Variants in DMD observed in about 807,000 individuals in gnomAD.
DMD encodes dystrophin.
DMD carries 63 observed loss-of-function variants against 330.1 expected under a neutral mutation model. The ratio of observed to expected loss-of-function variants is 0.19; its 90% CI spans 0.16 to 0.24. The LOEUF is 0.24. DMD is among the 10% of genes least tolerant of loss of function. The probability of loss-of-function intolerance (pLI) is 1.00; values close to 1 mark genes in which losing one functional copy is unlikely to be tolerated. For synonymous variants in DMD, 1,223 were observed against 959.8 expected (o/e 1.27, Z -5.07); for missense variants, 3,344 against 2,684.1 (o/e 1.25, Z -5.43).
intron 30 of DMD, 149 bp from the exon 31 acceptor site, chrX:32,390,330 A>G: frequency 2.1e-6 from 1 of 484,640 alleles, no homozygotes. Flanking sequence ...GGTGGTTCAC[A>G]CCTGTAATCC....
At chrX:31,822,653 G>GTGTGTGTGTGTGTGTGTGTGT (rs1556919106) in intron 49 of DMD, among the ~76,000 whole-genome samples, 9 of 65,811 alleles carry the variant, frequency 1.4e-4, no homozygotes, top group African/African-American at 5.1e-4. Context: ...AAGGCAGAGG[G>GTGTGTGTGTGTGTGTGTGTGT]GTGTGTGTGT....
chrX:31,507,495 A>G, intron 55 of DMD, 42 bp from the exon 56 acceptor site: 1 of 1,114,807 alleles, frequency 9.0e-7, no homozygotes, highest in Non-Finnish European at 1.2e-6. Context: ...GAATTACCAA[A>G]CAAAAGAAAC....
intron 45 of DMD, among the ~76,000 whole-genome samples, chrX:31,941,474 T>C (rs1346837939): frequency 1.8e-5 from 2 of 111,603 alleles, no homozygotes; most frequent in Non-Finnish European, 3.8e-5. Flanking sequence ...ATAAGTCCAC[T>C]TGAGAAATCT....
intron 7 of DMD, among the ~76,000 whole-genome samples, chrX:32,733,915 G>C (rs1473544253): frequency 1.9e-5 from 2 of 104,872 alleles, no homozygotes; most frequent in African/African-American, 7.0e-5. Flanking sequence ...ACTAAAATCA[G>C]AGCAGAACTG....
intron 60 of DMD, among the ~76,000 whole-genome samples, chrX:31,402,802 C>A (rs10126367): frequency 0.17 from 18,572 of 111,065 alleles, 1,152 homozygotes; most frequent in Middle Eastern, 0.24. Flanking sequence ...TCTTAACTGG[C>A]TCAGAGAAAG....
chrX:31,924,865 A>G (rs1036372380), intron 47 of DMD, among the ~76,000 whole-genome samples: 1 of 112,038 alleles, frequency 8.9e-6, no homozygotes, highest in African/African-American at 3.2e-5. Flanking sequence ...CTTATTTGTA[A>G]ATGGTATTTT....
chrX:32,416,735 C>G (rs1228594102), intron 29 of DMD, among the ~76,000 whole-genome samples: 1 of 111,344 alleles, frequency 9.0e-6, no homozygotes, highest in African/African-American at 3.3e-5. Context: ...TGTGCTAAAA[C>G]CAAATCCTAC....
intron 9 of DMD, among the ~76,000 whole-genome samples, chrX:32,654,509 A>C (rs190842344): frequency 1.9e-3 from 212 of 111,640 alleles, no homozygotes; most frequent in African/African-American, 6.3e-3. Flanking sequence ...CCCACTTGAT[A>C]ATGGTGGATA....
At chrX:31,482,218 G>GGTGT (rs752580281) in intron 57 of DMD, among the ~76,000 whole-genome samples, 4 of 93,299 alleles carry the variant, frequency 4.3e-5, no homozygotes, top group Non-Finnish European at 6.3e-5. Context: ...GCAACATGAT[G>GGTGT]GTGTGTGTGT....
rs767466321 is a variant in DMD, at chrX:32,946,299, C to CT, written c.93+73839dup. ...TATTCATTAATTTTTAAATGGCCTA[C>CT]TTTTTTTTTGGTTCAAGGAAAGAAC... On this transcript the variant is annotated intron_variant, in intron 2 of 78. Transcript: ENST00000357033. 9.4e-3 allele frequency among the ~76,000 whole-genome samples: 1,028 copies of CT among 109,380 alleles called. 14 individuals carry two copies. The highest frequency in any genetic ancestry group is 0.032 in the African/African-American group (976 of 30,231). 95.0% of individuals were successfully genotyped at this position (109,380 alleles called of 115,157 possible).
At chrX:32,870,981 A>AAAAAAAAG (rs1569537090) in intron 2 of DMD, among the ~76,000 whole-genome samples, 1 of 82,576 alleles carries the variant, frequency 1.2e-5, no homozygotes, top group African/African-American at 4.7e-5. Context: ...AAAAAAAAAA[A>AAAAAAAAG]AAAAAAACCA....
At chrX:33,007,857 TGCAG>T (rs1384931545) in intron 2 of DMD, among the ~76,000 whole-genome samples, 5 of 111,835 alleles carry the variant, frequency 4.5e-5, no homozygotes, top group Admixed American at 9.5e-5. Context: ...ACATAATAAC[TGCAG>T]GTAATTTTAA....
At chrX:31,995,830 A>T (rs1412475767) in intron 44 of DMD, among the ~76,000 whole-genome samples, 1 of 112,248 alleles carries the variant, frequency 8.9e-6, no homozygotes, top group Non-Finnish European at 1.9e-5. Context: ...ACTACTTTTC[A>T]TAGAAGGGGC....
intron 1 of DMD, among the ~76,000 whole-genome samples, chrX:33,254,525 A>G: frequency 9.1e-6 from 1 of 110,400 alleles, no homozygotes; most frequent in East Asian, 2.8e-4. Flanking sequence ...TTTGATATAG[A>G]CTTCACAATA....
chrX:32,820,080 A>C (rs1019166572), intron 5 of DMD, among the ~76,000 whole-genome samples: 1 of 111,791 alleles, frequency 8.9e-6, no homozygotes, highest in African/African-American at 3.2e-5. Flanking sequence ...GAGGTCTCAG[A>C]CAAAGAAAGA....
chrX:31,907,945 C>T (rs1379269956), intron 47 of DMD, among the ~76,000 whole-genome samples: 2 of 112,576 alleles, frequency 1.8e-5, no homozygotes, highest in African/African-American at 6.5e-5. Flanking sequence ...ATTTATGCAG[C>T]TAACAGACAC....
intron 1 of DMD, among the ~76,000 whole-genome samples, chrX:33,113,911 C>T (rs1452595476): frequency 1.8e-5 from 2 of 109,898 alleles, no homozygotes; most frequent in Admixed American, 9.8e-5. Context: ...ATGAATAATT[C>T]GTCAATAGTG....
chrX:31,500,884 C>T (rs2070362529), intron 56 of DMD, among the ~76,000 whole-genome samples: 1 of 111,993 alleles, frequency 8.9e-6, no homozygotes, highest in Non-Finnish European at 1.9e-5. Flanking sequence ...ATCCTTAAAC[C>T]TTAGTGGTTT....
chrX:32,557,447 A>C (rs1013464326), intron 16 of DMD, among the ~76,000 whole-genome samples: 1 of 112,148 alleles, frequency 8.9e-6, no homozygotes, highest in Non-Finnish European at 1.9e-5. Flanking sequence ...AAAATTAGTC[A>C]AAATACACTA....
Sources: allele counts gnomAD v4.1 joint callset (sites outside exome capture counted in the v4.1 genomes callset), GRCh38; gene constraint gnomAD v4.1.1; transcripts MANE v1.5; gene names NCBI Gene and HGNC (gene_info 2026-07-23, HGNC 2026-07-21).